The following METTL16 variants were observed in gnomAD, a reference collection of about 807,000 sequenced individuals.
METTL16 encodes the protein RNA N(6)-adenosine-methyltransferase METTL16.
Under a neutral mutation model 57.9 loss-of-function variants are expected in METTL16, and 19 were observed. The observed-to-expected ratio is 0.33, with a 90% CI of 0.23 to 0.48. METTL16 has a LOEUF of 0.48. Among genes scored for constraint, METTL16 ranks in the 20% least tolerant of loss-of-function variants. The pLI is 0.99. For missense variants in METTL16, 434 were observed against 691.5 expected, an observed-to-expected ratio of 0.63 and a Z score of 4.18; for synonymous variants, 246 against 255.6, an observed-to-expected ratio of 0.96 and a Z score of 0.36.
At chr17:2,437,285 T>C (rs1321975645) in intron 8 of METTL16, among the ~76,000 whole-genome samples, 2 of 152,172 alleles carry the variant, frequency 1.3e-5, no homozygotes, top group East Asian at 3.9e-4. Flanking sequence ...GTTAAGATTC[T>C]AGTGCTAATC....
At chr17:2,432,187 T>C (rs967578096) in intron 8 of METTL16, among the ~76,000 whole-genome samples, 9 of 152,324 alleles carry the variant, frequency 5.9e-5, no homozygotes, top group African/African-American at 2.2e-4. Context: ...CCTGACCTCG[T>C]GATCCGCCTG....
At chr17:2,457,792 A>G (rs1190054294) in intron 6 of METTL16, among the ~76,000 whole-genome samples, 1 of 152,148 alleles carries the variant, frequency 6.6e-6, no homozygotes, top group Admixed American at 6.6e-5. Flanking sequence ...ATTTAATTCT[A>G]TAACCACTTT....
chr17:2,446,253 C>T (rs1163320986), intron 6 of METTL16, among the ~76,000 whole-genome samples: 3 of 152,174 alleles, frequency 2.0e-5, no homozygotes, highest in Admixed American at 2.0e-4. Flanking sequence ...AAGATGGCCA[C>T]TCTTCACCAC....
chr17:2,508,413 C>A (rs1296946588), intron 1 of METTL16, among the ~76,000 whole-genome samples: 1 of 152,108 alleles, frequency 6.6e-6, no homozygotes, highest in Admixed American at 6.6e-5. Flanking sequence ...CACTTCTACC[C>A]ACCCCAAACT....
intron 2 of METTL16, among the ~76,000 whole-genome samples, chr17:2,492,040 T>C (rs1233683765): frequency 6.6e-6 from 1 of 150,712 alleles, no homozygotes; most frequent in African/African-American, 2.4e-5. Flanking sequence ...TGAAACCCTG[T>C]CTCTACTAAA....
intron 8 of METTL16, among the ~76,000 whole-genome samples, chr17:2,421,687 T>C (rs1415532066): frequency 6.6e-6 from 1 of 152,138 alleles, no homozygotes; most frequent in Non-Finnish European, 1.5e-5. Context: ...AGAAACATCA[T>C]CAACTTGTAG....
At chr17:2,477,089 C>T (rs2067273667) in intron 3 of METTL16, among the ~76,000 whole-genome samples, 1 of 152,084 alleles carries the variant, frequency 6.6e-6, no homozygotes, top group South Asian at 2.1e-4. Context: ...TGCCTGTAAT[C>T]CCAGCACTTT....
rs1409371968 is a variant in METTL16, at chr17:2,416,092, G to A, written c.*3878C>T. On this transcript the variant is annotated 3_prime_UTR_variant, in exon 10 of 10. Coordinates refer to ENST00000263092, the MANE Select transcript of METTL16 (RefSeq NM_024086.4). ...TTTATTTTTCAAATTTTATTTCTGT[G>A]AAAATGTATTTGTTTACATAAAAAT... is the stretch of plus-strand genomic sequence containing the variant. The A allele has an allele frequency of 6.6e-6, 1 of 152,088 alleles. No individual in the cohort carries two copies. Among genetic ancestry groups the A allele is most frequent in the Non-Finnish European group, 1.5e-5 (1 of 68,022 alleles). The allele number at this position is 152,088 out of a possible 1,614,324, so 9.4% of individuals were successfully genotyped here. A position where few individuals can be genotyped will look rare whatever the true frequency, so the allele number is the denominator to read the frequency against.
At chr17:2,506,669 C>T (rs1240526467) in intron 1 of METTL16, among the ~76,000 whole-genome samples, 3 of 152,122 alleles carry the variant, frequency 2.0e-5, no homozygotes, top group Non-Finnish European at 2.9e-5. Flanking sequence ...GCCTTGGCCC[C>T]GCAAAGTGCC....
At chr17:2,430,042 A>C (rs140652873) in intron 8 of METTL16, among the ~76,000 whole-genome samples, 1 of 149,296 alleles carries the variant, frequency 6.7e-6, no homozygotes, top group South Asian at 2.1e-4. Flanking sequence ...TCAAACTCCT[A>C]ACCTCAGTTG....
intron 6 of METTL16, among the ~76,000 whole-genome samples, chr17:2,454,033 T>A (rs188755088): frequency 6.6e-6 from 1 of 152,328 alleles, no homozygotes; most frequent in East Asian, 1.9e-4. Flanking sequence ...TAAGTCATTA[T>A]TGTCATTATT....
At position 2,421,394 on chromosome 17, in the gene METTL16, C is replaced by A. The variant is rs549650011; in HGVS notation, c.889-490G>T. On this transcript the variant is annotated intron_variant, in intron 8 of 9. Transcript: ENST00000263092. ...ATTTTTAATTAAAAAAATAAGAACC[C>A]CACAAGATAGTTTAGGCATCTCCAG... Among the ~76,000 whole-genome samples the A allele has an allele frequency of 3.3e-5, 5 of 152,076 alleles. 1 individual carries two copies. In the South Asian group the frequency reaches 1.0e-3, roughly 31 times the overall value.
chr17:2,455,258 T>C (rs1426179314), intron 6 of METTL16: 1 of 154,784 alleles, frequency 6.5e-6, no homozygotes, highest in Non-Finnish European at 1.4e-5. Flanking sequence ...CTGGCTACTT[T>C]TTGTATTTTT....
At chr17:2,447,433 C>A (rs1195684893) in intron 6 of METTL16, among the ~76,000 whole-genome samples, 2 of 141,680 alleles carry the variant, frequency 1.4e-5, no homozygotes, top group Admixed American at 6.7e-5. Flanking sequence ...GCAGCCACCC[C>A]GTCCGGGAGG....
intron 2 of METTL16, 79 bp from the exon 3 acceptor site, chr17:2,477,964 A>C (rs957707739): frequency 2.5e-6 from 3 of 1,223,866 alleles, no homozygotes; most frequent in Non-Finnish European, 3.5e-6. Context: ...AACAGGCAGA[A>C]CCAAATACCC....
chr17:2,460,632 TCCCAGCACTTTGGGAGGCCAAGGC>T (rs2067143007), intron 6 of METTL16, among the ~76,000 whole-genome samples: 1 of 152,160 alleles, frequency 6.6e-6, no homozygotes. Flanking sequence ...ACGCCTGTAA[TCCCAGCACTTTGGGAGGCCAAGGC>T]GGGTGGATCA....
chr17:2,506,281 GTCTCCCTCTCCC>G (rs934526930), intron 1 of METTL16, among the ~76,000 whole-genome samples: 2 of 63,994 alleles, frequency 3.1e-5, no homozygotes, highest in African/African-American at 6.2e-5. Flanking sequence ...TCTCCCCACG[GTCTCCCTCTCCC>G]TCTCCCTCTC....
At chr17:2,484,690 C>T (rs1007658211) in intron 2 of METTL16, among the ~76,000 whole-genome samples, 16 of 152,068 alleles carry the variant, frequency 1.1e-4, no homozygotes, top group South Asian at 2.1e-4. Flanking sequence ...GACGGGGTTT[C>T]GCCATGTTGG....
At chr17:2,480,472 A>G (rs2067297904) in intron 2 of METTL16, among the ~76,000 whole-genome samples, 1 of 152,222 alleles carries the variant, frequency 6.6e-6, no homozygotes, top group Non-Finnish European at 1.5e-5. Context: ...AGACACAGCC[A>G]GAGCCTGGAA....
Sources: allele counts gnomAD v4.1 joint callset (sites outside exome capture counted in the v4.1 genomes callset), GRCh38; gene constraint gnomAD v4.1.1; transcripts MANE v1.5; gene names NCBI Gene and HGNC (gene_info 2026-07-23, HGNC 2026-07-21).